TBX15: variants seen among roughly 807,000 people sequenced by gnomAD.
TBX15 encodes the protein T-box transcription factor TBX15.
A neutral mutation model predicts 53.9 loss-of-function variants in TBX15; 18 were observed. The ratio of observed to expected loss-of-function variants is 0.33; its 90% CI spans 0.23 to 0.49. TBX15 has a LOEUF of 0.49. Ranked by LOEUF, TBX15 falls within the 20% of genes least tolerant of loss-of-function variation. The probability of loss-of-function intolerance (pLI) is 0.98; values close to 1 mark genes in which losing one functional copy is unlikely to be tolerated. For synonymous variants in TBX15, 295 were observed against 278.0 expected, an observed-to-expected ratio of 1.06 and a Z score of -0.61; for missense variants, 692 against 749.5, an observed-to-expected ratio of 0.92 and a Z score of 0.90.
At chr1:118,917,694 T>A (rs1655287723) in intron 5 of TBX15, among the ~76,000 whole-genome samples, 1 of 152,202 alleles carries the variant, frequency 6.6e-6, no homozygotes, top group Non-Finnish European at 1.5e-5. Flanking sequence ...GACTGAACTA[T>A]TCTATGTAGC....
intron 6 of TBX15, among the ~76,000 whole-genome samples, chr1:118,900,389 A>G (rs1206256267): frequency 1.3e-5 from 2 of 152,192 alleles, no homozygotes; most frequent in Non-Finnish European, 2.9e-5. Flanking sequence ...TTAGGTGAGA[A>G]CAAATATCCT....
intron 1 of TBX15, among the ~76,000 whole-genome samples, chr1:118,936,228 C>T (rs1655961941): frequency 6.6e-6 from 1 of 152,128 alleles, no homozygotes. Flanking sequence ...GCTTAGAGAC[C>T]ACCAAGTCTA....
chr1:118,932,664 C>T (rs1655837139), intron 1 of TBX15, among the ~76,000 whole-genome samples: 1 of 152,058 alleles, frequency 6.6e-6, no homozygotes, highest in Non-Finnish European at 1.5e-5. Flanking sequence ...CCAGATGGTC[C>T]TTTCCTGTGT....
chr1:118,932,342 A>G (rs1469931495), intron 1 of TBX15, among the ~76,000 whole-genome samples: 1 of 152,180 alleles, frequency 6.6e-6, no homozygotes, highest in Non-Finnish European at 1.5e-5. Context: ...TTTTTCCTCT[A>G]CTTACATAAG....
chr1:118,923,697 G>A, intron 4 of TBX15, 94 bp from the exon 5 acceptor site: 2 of 1,457,888 alleles, frequency 1.4e-6, no homozygotes, highest in South Asian at 2.3e-5. Context: ...AAGCACTATA[G>A]GAAAAGCACA....
intron 7 of TBX15, among the ~76,000 whole-genome samples, chr1:118,893,269 AGAAGGAAG>A (rs373917263): frequency 0.018 from 1,101 of 60,960 alleles, 55 homozygotes; most frequent in East Asian, 0.091. Context: ...AAAGAAAGGA[AGAAGGAAG>A]GAAGGAAGGA....
In TBX15 at chr1:118,931,809, C is replaced by G; in HGVS notation, c.229G>C (p.Asp77His). Residue 77 changes from aspartate to histidine, a missense_variant, in exon 2 of 8, where the codon GAT becomes CAT. Around this residue, in one of 3 missense-constraint regions of TBX15, gnomAD observed 307 missense variants for 347.5 expected, o/e 0.88. Coordinates refer to ENST00000369429, the MANE Select transcript of TBX15 (RefSeq NM_001330677.2). Reference protein sequence around the residue: ...HPDSEQSTGSDSEVLTERTSC... With the variant: ...HPDSEQSTGSHSEVLTERTSC... ...GTCCGCTCAGTGAGGACCTCAGAAT[C>G]TGAACCAGTGCTCTGCTCAGAATCT... The G allele has an allele frequency of 6.3e-7, 1 of 1,588,388 alleles. No homozygotes were observed. Among genetic ancestry groups the G allele is most frequent in the Non-Finnish European group, 8.6e-7 (1 of 1,165,088 alleles).
At chr1:118,939,407 C>CAAAA (rs869094141) in intron 1 of TBX15, among the ~76,000 whole-genome samples, 847 of 8,770 alleles carry the variant, frequency 0.097, 170 homozygotes, top group Non-Finnish European at 0.12. Flanking sequence ...GATCTAGTCT[C>CAAAA]AAAAAAAAAA....
At chr1:118,919,572 C>T (rs1655355842) in intron 5 of TBX15, among the ~76,000 whole-genome samples, 1 of 152,168 alleles carries the variant, frequency 6.6e-6, no homozygotes, top group South Asian at 2.1e-4. Context: ...CTCTTTACTA[C>T]TACTTACACC....
At chr1:118,923,354 A>C in intron 5 of TBX15, 82 bp downstream of exon 5, 1 of 1,564,522 alleles carries the variant, frequency 6.4e-7, no homozygotes, top group South Asian at 1.1e-5. Context: ...AATTCCCCTG[A>C]AAGTAAATAA....
At chr1:118,907,576 C>T (rs1654881476) in intron 6 of TBX15, among the ~76,000 whole-genome samples, 1 of 152,200 alleles carries the variant, frequency 6.6e-6, no homozygotes, top group African/African-American at 2.4e-5. Context: ...TTATCTCTTT[C>T]ATGTGCAGGG....
chr1:118,923,925 G>T (rs1268179795), intron 4 of TBX15, among the ~76,000 whole-genome samples: 1 of 152,176 alleles, frequency 6.6e-6, no homozygotes, highest in Non-Finnish European at 1.5e-5. Flanking sequence ...GTGACAAGTT[G>T]TTCCCTCCAG....
At chr1:118,949,575 C>A (rs1440982291) in intron 1 of TBX15, among the ~76,000 whole-genome samples, 2 of 152,340 alleles carry the variant, frequency 1.3e-5, no homozygotes, top group Middle Eastern at 3.4e-3. Flanking sequence ...GTCACACAAG[C>A]ATTTTCAGGG....
chr1:118,901,651 T>C (rs1316173387), intron 6 of TBX15, among the ~76,000 whole-genome samples: 2 of 152,206 alleles, frequency 1.3e-5, no homozygotes, highest in Non-Finnish European at 2.9e-5. Context: ...AGGAAGAATC[T>C]TGGATGTCAT....
At chr1:118,890,000 G>T (rs1422804188) in intron 7 of TBX15, among the ~76,000 whole-genome samples, 1 of 152,138 alleles carries the variant, frequency 6.6e-6, no homozygotes, top group Non-Finnish European at 1.5e-5. Flanking sequence ...AAGGAACTTG[G>T]GTTCTAATGA....
chr1:118,987,758 G>T lies in TBX15; in HGVS notation c.38C>A (p.Ser13Ter). 1 of 1,550,280 alleles carries T rather than the reference G, an allele frequency of 6.5e-7. No individual in the cohort carries two copies. ...ERRRSAVALS[S>*]RAHAFSVEAL... is the part of the protein sequence containing the mutation. The stretch of plus-strand genomic sequence containing the variant: ...TTCAACGGAGAAGGCATGTGCTCGC[G>T]AGCTCAGGGCGACTGCAGATCTTCT... The change falls in exon 1 of 8, where the codon TCG (serine) becomes TAG (stop). Residue 13 changes from serine (S) to a stop codon, truncating the protein, a stop_gained. Coordinates refer to ENST00000369429, the MANE Select transcript of TBX15 (RefSeq NM_001330677.2). LOFTEE classifies it high-confidence loss of function.
chr1:118,925,597 T>C (rs1039508822), intron 3 of TBX15, among the ~76,000 whole-genome samples: 1 of 152,198 alleles, frequency 6.6e-6, no homozygotes, highest in Admixed American at 6.5e-5. Flanking sequence ...ATCTGGTACT[T>C]TCCTGCTTCT....
chr1:118,984,237 T>C (rs1300378873), intron 1 of TBX15, among the ~76,000 whole-genome samples: 3 of 152,236 alleles, frequency 2.0e-5, no homozygotes, highest in Non-Finnish European at 4.4e-5. Context: ...TGTCCTTGGA[T>C]GTGCCTGTCT....
chr1:118,895,777 G>A (rs942738345), intron 7 of TBX15, among the ~76,000 whole-genome samples: 1 of 152,146 alleles, frequency 6.6e-6, no homozygotes, highest in African/African-American at 2.4e-5. Context: ...CCTATTGAGA[G>A]TTAATGCTCA....
Sources: gnomAD v4.1 joint callset for allele counts (sites outside exome capture counted in the v4.1 genomes callset) on GRCh38, gnomAD v4.1.1 for gene constraint, gnomAD v4.1.1 regional missense constraint, MANE v1.5 for transcripts, NCBI Gene and HGNC (gene_info 2026-07-23, HGNC 2026-07-21) for gene names.